GLIS3: variants seen among roughly 807,000 people sequenced by gnomAD.
GLIS3 encodes zinc finger protein GLIS3.
A neutral mutation model predicts 78.6 loss-of-function variants in GLIS3; 53 were observed. The ratio of observed to expected loss-of-function variants is 0.67; its 90% CI spans 0.54 to 0.85. The LOEUF is 0.85. GLIS3 is among the 40% of genes least tolerant of loss of function. The pLI, the probability that GLIS3 is intolerant of heterozygous loss-of-function variation, is 0.00. For missense variants in GLIS3, 1,703 were observed against 1,231.1 expected, an observed-to-expected ratio of 1.38 and a Z score of -5.74; for synonymous variants, 684 against 509.9, an observed-to-expected ratio of 1.34 and a Z score of -4.60.
At chr9:4,043,893 G>A (rs934404690) in intron 4 of GLIS3, among the ~76,000 whole-genome samples, 2 of 152,138 alleles carry the variant, frequency 1.3e-5, no homozygotes, top group African/African-American at 4.8e-5. Flanking sequence ...TGGGTTGGGG[G>A]CTCCCAGATA....
At chr9:4,318,553 T>C (rs1817473318) in intron 2 of GLIS3, among the ~76,000 whole-genome samples, 1 of 152,134 alleles carries the variant, frequency 6.6e-6, no homozygotes, top group Non-Finnish European at 1.5e-5. Flanking sequence ...TTATGGGCAA[T>C]TTTAGCTTCA....
intron 2 of GLIS3, among the ~76,000 whole-genome samples, chr9:4,151,652 T>C (rs28438505): frequency 0.21 from 31,989 of 152,144 alleles, 3,985 homozygotes; most frequent in African/African-American, 0.34. Flanking sequence ...GGGGATTTCT[T>C]TGGATTGTGG....
intron 2 of GLIS3, among the ~76,000 whole-genome samples, chr9:4,210,992 T>G (rs1447894381): frequency 6.6e-6 from 1 of 152,202 alleles, no homozygotes; most frequent in Admixed American, 6.5e-5. Context: ...ATTTGGAATC[T>G]GTACCACACT....
chr9:4,145,781 T>C (rs2380937), intron 2 of GLIS3, among the ~76,000 whole-genome samples: 55,238 of 150,778 alleles, frequency 0.37, 10,509 homozygotes, highest in South Asian at 0.45. Context: ...TTTCTCTCCC[T>C]CTCTCTCCTT....
chr9:3,968,106 T>A lies in GLIS3; in HGVS notation c.1711-30917A>T, dbSNP rs1818098603. Among the ~76,000 whole-genome samples, 3 of 152,314 alleles carry A rather than the reference T, an allele frequency of 2.0e-5. No homozygotes were observed. The South Asian group carries it at 6.2e-4, about 32-fold the overall frequency. Reference sequence around the variant, plus strand: ...TAAAATACGATGTGGATTCTTGAGATCTCTGGGTTATAATTTTAGAGTTTT... The same window carrying A: ...TAAAATACGATGTGGATTCTTGAGAACTCTGGGTTATAATTTTAGAGTTTT... On this transcript the variant is annotated intron_variant, in intron 4 of 10. Transcript: ENST00000381971.
At chr9:4,363,525 A>G in the GLIS3 span, among the ~76,000 whole-genome samples, 1 of 152,258 alleles carries the variant, frequency 6.6e-6, no homozygotes, top group East Asian at 1.9e-4. Flanking sequence ...TTAAACTTCA[A>G]ACATATTTAA....
chr9:3,983,410 G>T (rs1400874535), intron 4 of GLIS3, among the ~76,000 whole-genome samples: 1 of 152,200 alleles, frequency 6.6e-6, no homozygotes, highest in Non-Finnish European at 1.5e-5. Context: ...GGTACCAGCA[G>T]AGGGGGGCAC....
chr9:4,389,028 G>C, the GLIS3 span, among the ~76,000 whole-genome samples: 1 of 152,188 alleles, frequency 6.6e-6, no homozygotes, highest in Admixed American at 6.5e-5. Flanking sequence ...ATCAAAGCAA[G>C]AGCACTTAAG....
intron 4 of GLIS3, among the ~76,000 whole-genome samples, chr9:4,078,221 A>T (rs777392686): frequency 6.6e-6 from 1 of 152,158 alleles, no homozygotes; most frequent in Non-Finnish European, 1.5e-5. Flanking sequence ...TCCTTTTTGC[A>T]AATATAATAT....
chr9:4,130,233 A>G (rs1011885280), intron 2 of GLIS3, among the ~76,000 whole-genome samples: 3 of 152,204 alleles, frequency 2.0e-5, no homozygotes, highest in Admixed American at 2.0e-4. Flanking sequence ...AAGTTTGGAA[A>G]ATTTACAGCC....
chr9:4,309,978 C>T (rs1817321202), intron 3 of GLIS3, among the ~76,000 whole-genome samples: 1 of 152,212 alleles, frequency 6.6e-6, no homozygotes, highest in South Asian at 2.1e-4. Flanking sequence ...GACATGGTCC[C>T]TGAATCACTG....
the GLIS3 span, among the ~76,000 whole-genome samples, chr9:4,398,187 C>T: frequency 6.6e-6 from 1 of 151,566 alleles, no homozygotes; most frequent in African/African-American, 2.4e-5. Flanking sequence ...TATTCTTCCC[C>T]AATGGAATCC....
At chr9:4,242,006 C>G (rs1197574186) in intron 2 of GLIS3, among the ~76,000 whole-genome samples, 1 of 152,140 alleles carries the variant, frequency 6.6e-6, no homozygotes, top group African/African-American at 2.4e-5. Flanking sequence ...TGCTTTAATA[C>G]AGAAATCATA....
At chr9:4,027,955 G>A (rs1434663622) in intron 4 of GLIS3, among the ~76,000 whole-genome samples, 1 of 152,194 alleles carries the variant, frequency 6.6e-6, no homozygotes, top group Non-Finnish European at 1.5e-5. Flanking sequence ...CCCAGTGGGT[G>A]AGAGTCACGT....
chr9:4,281,946 C>T (rs1827594004), intron 2 of GLIS3, among the ~76,000 whole-genome samples: 1 of 152,194 alleles, frequency 6.6e-6, no homozygotes, highest in African/African-American at 2.4e-5. Flanking sequence ...CTTTAACACA[C>T]TGTTTGGGAA....
At chr9:4,116,017 T>C (rs1831609657) in intron 4 of GLIS3, among the ~76,000 whole-genome samples, 3 of 152,360 alleles carry the variant, frequency 2.0e-5, no homozygotes, top group African/African-American at 7.2e-5. Flanking sequence ...TTTATATTTT[T>C]GATATTTATC....
chr9:3,894,643 G>A (rs1327541856), intron 7 of GLIS3, among the ~76,000 whole-genome samples: 1 of 151,990 alleles, frequency 6.6e-6, no homozygotes, highest in Non-Finnish European at 1.5e-5. Context: ...AGAATAACAC[G>A]TGACTTCAAA....
intron 6 of GLIS3, among the ~76,000 whole-genome samples, chr9:3,905,950 G>A (rs1044238075): frequency 1.3e-5 from 2 of 152,146 alleles, no homozygotes; most frequent in African/African-American, 2.4e-5. Context: ...GTGGAGGTCA[G>A]GGAAGGCCTC....
intron 3 of GLIS3, among the ~76,000 whole-genome samples, chr9:4,309,358 A>G (rs1365600456): frequency 6.6e-6 from 1 of 152,248 alleles, no homozygotes; most frequent in African/African-American, 2.4e-5. Context: ...TTAAAAAACA[A>G]GTCATTTAAA....
Sources: gnomAD v4.1 joint callset for allele counts (sites outside exome capture counted in the v4.1 genomes callset) on GRCh38, gnomAD v4.1.1 for gene constraint, MANE v1.5 for transcripts, NCBI Gene and HGNC (gene_info 2026-07-23, HGNC 2026-07-21) for gene names.